PLD1: variants seen among roughly 807,000 people sequenced by gnomAD.
PLD1 encodes the protein phospholipase D1.
In PLD1, 112 loss-of-function variants were observed where a neutral mutation model predicts 137.1. The observed-to-expected ratio is 0.82, with a 90% CI of 0.70 to 0.96. The LOEUF (loss-of-function observed/expected upper bound fraction) is 0.96, where lower values mean the gene tolerates loss of function less well. Ranked by LOEUF, PLD1 falls within the 40% of genes least tolerant of loss-of-function variation. The pLI, the probability that PLD1 is intolerant of heterozygous loss-of-function variation, is 0.00. For synonymous variants in PLD1, 431 were observed against 454.7 expected (o/e 0.95, Z 0.66); for missense variants, 1,321 against 1,342.0 (o/e 0.98, Z 0.24).
chr3:171,617,818 T>G (rs1226399737), intron 24 of PLD1, among the ~76,000 whole-genome samples: 1 of 152,156 alleles, frequency 6.6e-6, no homozygotes, highest in Non-Finnish European at 1.5e-5. Flanking sequence ...ATGTCAGCTA[T>G]TCAATCATTC....
At chr3:171,803,721 G>A (rs190340353) in intron 1 of PLD1, among the ~76,000 whole-genome samples, 1 of 152,250 alleles carries the variant, frequency 6.6e-6, no homozygotes, top group Admixed American at 6.5e-5. Flanking sequence ...CAACAAGAGT[G>A]AAATTCTGTC....
At chr3:171,684,933 C>A (rs541709271) in intron 16 of PLD1, among the ~76,000 whole-genome samples, 25 of 152,286 alleles carry the variant, frequency 1.6e-4, no homozygotes, top group African/African-American at 5.5e-4. Context: ...GATTTATAGA[C>A]ACAAATTTAT....
intron 1 of PLD1, among the ~76,000 whole-genome samples, chr3:171,750,259 C>CTTAAT (rs1720561089): frequency 6.6e-6 from 1 of 152,036 alleles, no homozygotes; most frequent in Admixed American, 6.6e-5. Context: ...GCAGGATGGG[C>CTTAAT]TTAACAGCAG....
intron 13 of PLD1, among the ~76,000 whole-genome samples, chr3:171,691,382 T>C: frequency 6.6e-6 from 1 of 152,140 alleles, no homozygotes; most frequent in South Asian, 2.1e-4. Context: ...CTTTTTTGTC[T>C]CTCATTTCCT....
chr3:171,680,242 C>CTTTTTTTT lies in PLD1; in HGVS notation c.1868-2556_1868-2549dup, dbSNP rs571538714. The stretch of plus-strand genomic sequence containing the variant: ...GTCTTTTTGTTTTCTTTTTCTTCCT[C>CTTTTTTTT]TTTTTTTTTTTTTTTTTTTTTTTTT... On this transcript the variant is annotated intron_variant, in intron 16 of 26. Coordinates refer to ENST00000351298, the MANE Select transcript of PLD1 (RefSeq NM_002662.5). Among the ~76,000 whole-genome samples, 16 of 102,906 alleles carry CTTTTTTTT rather than the reference C, an allele frequency of 1.6e-4. 5 individuals carry two copies. The highest frequency in any genetic ancestry group is 1.7e-4 in the African/African-American group (4 of 23,902). 67.5% of individuals were successfully genotyped at this position (102,906 alleles called of 152,430 possible).
At chr3:171,694,731 G>C (rs1715524928) in intron 12 of PLD1, among the ~76,000 whole-genome samples, 1 of 152,086 alleles carries the variant, frequency 6.6e-6, no homozygotes, top group Non-Finnish European at 1.5e-5. Context: ...AGTAGTAGTT[G>C]CAAATTAGGA....
chr3:171,737,454 G>T, intron 3 of PLD1, 78 bp downstream of exon 3: 1 of 1,216,894 alleles, frequency 8.2e-7, no homozygotes, highest in Non-Finnish European at 1.1e-6. Context: ...ATAGCTAAGA[G>T]GGAGGAAAAT....
chr3:171,699,448 A>G (rs1237881947), intron 12 of PLD1, among the ~76,000 whole-genome samples: 2 of 152,256 alleles, frequency 1.3e-5, no homozygotes, highest in Non-Finnish European at 2.9e-5. Context: ...TTATTATTCA[A>G]TGATGAAATT....
chr3:171,747,361 T>C (rs1478532092), intron 1 of PLD1, among the ~76,000 whole-genome samples: 2 of 152,156 alleles, frequency 1.3e-5, no homozygotes, highest in Non-Finnish European at 2.9e-5. Flanking sequence ...AAACAGTCGA[T>C]CTGGATGATG....
chr3:171,775,192 C>T (rs1722546686), intron 1 of PLD1, among the ~76,000 whole-genome samples: 2 of 150,188 alleles, frequency 1.3e-5, no homozygotes, highest in Admixed American at 6.6e-5. Flanking sequence ...TTTTCTTTGA[C>T]GTCAAAGATA....
At chr3:171,622,505 C>A (rs1274428189) in intron 23 of PLD1, among the ~76,000 whole-genome samples, 1 of 152,014 alleles carries the variant, frequency 6.6e-6, no homozygotes, top group Non-Finnish European at 1.5e-5. Flanking sequence ...ATTGATCAAT[C>A]TAGGGAGAAA....
In PLD1 at chr3:171,613,148, C is replaced by T. The variant is rs374193387; in HGVS notation, c.2729-716G>A. On this transcript the variant is annotated intron_variant, in intron 24 of 26. Transcript: ENST00000351298. ...CTGCACCACTGCACTTCAGCCTGGG[C>T]CAAAGAGCAAGACTTCATCTCTAAA... 7.2e-4 allele frequency among the ~76,000 whole-genome samples: 109 copies of T among 152,112 alleles called. No homozygotes were observed. The South Asian group carries it at 0.02, about 29-fold the overall frequency.
Position 171,644,894 on chromosome 3 carries a change from T to G in PLD1, c.2543+16A>C, listed in dbSNP as rs745616667. 15 of 1,490,906 alleles carry G rather than the reference T, an allele frequency of 1.0e-5. No individual in the cohort carries two copies. Among genetic ancestry groups the G allele is most frequent in the Non-Finnish European group, 1.4e-5 (15 of 1,067,694 alleles). 92.4% of individuals were successfully genotyped at this position (1,490,906 alleles called of 1,614,324 possible). ...ATGACCGAAAGCTCAAAATAGACCATTTAGAGTTTTGGCACCTGTAGTTGA... is the reference window on the plus strand; with the variant it reads ...ATGACCGAAAGCTCAAAATAGACCAGTTAGAGTTTTGGCACCTGTAGTTGA... On this transcript the variant is annotated intron_variant, in intron 22 of 26. Transcript: ENST00000351298.
intron 1 of PLD1, among the ~76,000 whole-genome samples, chr3:171,781,327 A>T (rs563031770): frequency 1.8e-4 from 27 of 152,126 alleles, no homozygotes; most frequent in Non-Finnish European, 3.4e-4. Flanking sequence ...ATTGAGATGG[A>T]TCATAGACAT....
At chr3:171,809,556 C>A (rs1724027328) in intron 1 of PLD1, 1 of 152,184 alleles carries the variant, frequency 6.6e-6, no homozygotes, top group Non-Finnish European at 1.5e-5. Flanking sequence ...AATGGTCAAA[C>A]GAAGAAACTG....
In PLD1 at chr3:171,639,848, C is replaced by CTCTCTCTATATATA. The variant is rs3050415; in HGVS notation, c.2593+2991_2593+2992insTATATATAGAGAGA. ...TCTCTCTCTCTCTCTCTCTCTCTCT[C>CTCTCTCTATATATA]TATATATATATATATATCTCCTATT... On this transcript the variant is annotated intron_variant, in intron 23 of 26. Transcript: ENST00000351298. 5.6e-3 allele frequency among the ~76,000 whole-genome samples: 620 copies of CTCTCTCTATATATA among 110,126 alleles called. 9 individuals are homozygous for CTCTCTCTATATATA. The highest frequency in any genetic ancestry group is 0.023 in the African/African-American group (578 of 25,428). 72.2% of individuals were successfully genotyped at this position (110,126 alleles called of 152,430 possible).
At chr3:171,751,473 C>T (rs1720653333) in intron 1 of PLD1, among the ~76,000 whole-genome samples, 1 of 151,946 alleles carries the variant, frequency 6.6e-6, no homozygotes, top group African/African-American at 2.4e-5. Flanking sequence ...GTAAAAAATA[C>T]AAAGAACAAG....
intron 19 of PLD1, among the ~76,000 whole-genome samples, chr3:171,670,391 AC>A (rs1231596978): frequency 2.0e-5 from 3 of 152,192 alleles, no homozygotes; most frequent in South Asian, 4.1e-4. Context: ...AAAGCTGAGA[AC>A]AGGTCTAGAA....
rs148429452 is a variant in PLD1, at chr3:171,779,725, T to C, written c.-32+30674A>G. 2.3e-3 allele frequency among the ~76,000 whole-genome samples: 346 copies of C among 150,464 alleles called. 2 individuals carry two copies. The highest frequency in any genetic ancestry group is 7.8e-3 in the African/African-American group (319 of 40,876). ...TCTGAGATTAGGACTGGAGTTTGGA[T>C]ACATAAGTCTAACATTCAGGACTGG... On this transcript the variant is annotated intron_variant, in intron 1 of 26. Coordinates refer to ENST00000351298, the MANE Select transcript of PLD1 (RefSeq NM_002662.5).
Sources: gnomAD v4.1 joint callset for allele counts (sites outside exome capture counted in the v4.1 genomes callset) on GRCh38, gnomAD v4.1.1 for gene constraint, MANE v1.5 for transcripts, NCBI Gene and HGNC (gene_info 2026-07-23, HGNC 2026-07-21) for gene names.